CELF1: variants seen among roughly 807,000 people sequenced by gnomAD.
CELF1 encodes the protein 50 kDa nuclear polyadenylated RNA-binding protein.
Under a neutral mutation model 61.8 loss-of-function variants are expected in CELF1, and 10 were observed. That is an observed-to-expected ratio of 0.16 (90% CI 0.10 to 0.27). The LOEUF (loss-of-function observed/expected upper bound fraction) is 0.27. Ranked by LOEUF, CELF1 falls within the 10% of genes least tolerant of loss-of-function variation. The pLI is 1.00. For synonymous variants in CELF1, 236 were observed against 225.1 expected (o/e 1.05, Z -0.43); for missense variants, 380 against 639.1 (o/e 0.59, Z 4.37).
intron 1 of CELF1, among the ~76,000 whole-genome samples, chr11:47,512,319 AT>A (rs1194175993): frequency 6.6e-6 from 1 of 151,774 alleles, no homozygotes; most frequent in African/African-American, 2.4e-5. Context: ...AGCCTGGCTA[AT>A]TTTTTTGTAT....
chr11:47,511,782 T>G (rs1405903671), intron 1 of CELF1, among the ~76,000 whole-genome samples: 1 of 152,154 alleles, frequency 6.6e-6, no homozygotes. Flanking sequence ...GGTTAAAAAT[T>G]GTCTCCAAGG....
chr11:47,515,315 G>A (rs1357158168), intron 1 of CELF1, among the ~76,000 whole-genome samples: 2 of 152,154 alleles, frequency 1.3e-5, no homozygotes, highest in Admixed American at 6.5e-5. Context: ...GAGGGTGCTC[G>A]CTCCAAGGAC....
At chr11:47,551,544 T>C (rs982491520) in intron 1 of CELF1, among the ~76,000 whole-genome samples, 1 of 152,232 alleles carries the variant, frequency 6.6e-6, no homozygotes, top group African/African-American at 2.4e-5. Flanking sequence ...TCTTTAATGC[T>C]AAAACAGAAA....
At position 47,468,028 on chromosome 11, in the gene CELF1, T is replaced by C. The variant is rs1262196562; in HGVS notation, c.*4202A>G. 6.6e-6 allele frequency: 1 copy of C among 152,102 alleles called. No individual in the cohort carries two copies. The highest frequency in any genetic ancestry group is 1.5e-5 in the Non-Finnish European group (1 of 68,026). The allele number at this position is 152,102 out of a possible 1,614,324, so 9.4% of individuals were successfully genotyped here. A position where few individuals can be genotyped will look rare whatever the true frequency, so the allele number is the denominator to read the frequency against. ...AACATGCAAAACTTTTTTCTGGGCA[T>C]AATCTTAGTAGGAAAGGAAAAAATT... On this transcript the variant is annotated 3_prime_UTR_variant, in exon 15 of 15. Coordinates refer to ENST00000687097, the MANE Select transcript of CELF1 (RefSeq NM_001376376.1).
chr11:47,559,541 G>T (rs912864862), intron 2 of CELF1, among the ~76,000 whole-genome samples: 2 of 151,978 alleles, frequency 1.3e-5, no homozygotes, highest in Non-Finnish European at 2.9e-5. Context: ...ATAGAGCTGG[G>T]GTCTCACTCT....
chr11:47,515,905 CTCTT>C (rs983023732), intron 1 of CELF1, among the ~76,000 whole-genome samples: 69 of 152,166 alleles, frequency 4.5e-4, no homozygotes, highest in African/African-American at 1.5e-3. Context: ...TACTTTGCCT[CTCTT>C]TATTATTTAC....
intron 1 of CELF1, among the ~76,000 whole-genome samples, chr11:47,532,340 T>C (rs993487955): frequency 2.0e-5 from 3 of 152,188 alleles, no homozygotes; most frequent in African/African-American, 7.2e-5. Context: ...ATTGCTCTTT[T>C]ATGATGAGAG....
intron 11 of CELF1, 37 bp downstream of exon 11, chr11:47,477,260 G>A: frequency 6.2e-7 from 1 of 1,612,310 alleles, no homozygotes; most frequent in Non-Finnish European, 8.5e-7. Context: ...ATCTGTCCAA[G>A]GCACATAATG....
chr11:47,543,687 C>G (rs937242720), intron 1 of CELF1, among the ~76,000 whole-genome samples: 17 of 152,116 alleles, frequency 1.1e-4, no homozygotes, highest in Non-Finnish European at 1.9e-4. Flanking sequence ...GACAGGAGGA[C>G]TGCTTGAGCT....
chr11:47,489,932 C>CTTTTTTTTTTTTTTTTTTTTTTTTTTT (rs530410346), intron 3 of CELF1, among the ~76,000 whole-genome samples: 2 of 23,478 alleles, frequency 8.5e-5, no homozygotes, highest in Non-Finnish European at 1.8e-4. Context: ...AACATACCAT[C>CTTTTTTTTTTTTTTTTTTTTTTTTTTT]TTGTTTTTTT....
chr11:47,477,301 A>G lies in CELF1; in HGVS notation c.969T>C (p.Ser323=). 6.2e-7 allele frequency: 1 copy of G among 1,613,994 alleles called. No homozygotes were observed. Among genetic ancestry groups the G allele is most frequent in the African/African-American group, 1.3e-5 (1 of 75,038 alleles). The change falls in exon 11 of 15, where the codon AGT becomes AGC. Residue 323 remains serine, a synonymous_variant. Coordinates refer to ENST00000687097, the MANE Select transcript of CELF1 (RefSeq NM_001376376.1). The part of the protein sequence containing the change: ...TSSSPLSVLT[S]SAGSSPSSSS... ...CTGGGTCATCCTCATGCTTACCTGA[A>G]CTAGTGAGCACGCTGAGGGGACTGC...
intron 12 of CELF1, 52 bp downstream of exon 12, chr11:47,476,794 T>C: frequency 7.2e-7 from 1 of 1,390,068 alleles, no homozygotes; most frequent in Non-Finnish European, 1.0e-6. Context: ...AGGGTTAAGA[T>C]GTGCTACCTG....
At chr11:47,522,541 C>A (rs7101397) in intron 1 of CELF1, among the ~76,000 whole-genome samples, 149,108 of 151,200 alleles carry the variant, frequency 0.99, 73,566 homozygotes, top group Middle Eastern at 1. Flanking sequence ...ACAACAACAA[C>A]AAAACGCCAG....
intron 13 of CELF1, 128 bp from the exon 14 acceptor site, chr11:47,473,359 A>G: frequency 1.2e-6 from 1 of 837,650 alleles, no homozygotes; most frequent in Non-Finnish European, 1.8e-6. Context: ...CATCTGGGGA[A>G]CTAAACAGAT....
chr11:47,479,019 C>G, intron 9 of CELF1, 67 bp from the exon 10 acceptor site: 1 of 1,331,952 alleles, frequency 7.5e-7, no homozygotes, highest in South Asian at 1.2e-5. Context: ...TGGGATAACT[C>G]TACAGCACAG....
intron 2 of CELF1, among the ~76,000 whole-genome samples, chr11:47,558,807 TAATA>T (rs980223790): frequency 1.9e-4 from 23 of 123,628 alleles, no homozygotes; most frequent in Middle Eastern, 5.6e-3. Context: ...TTGCAGCCAA[TAATA>T]TATATATTGC....
intron 1 of CELF1, among the ~76,000 whole-genome samples, chr11:47,534,022 CTTTTTTTTTTT>C (rs71042679): frequency 6.9e-5 from 6 of 87,584 alleles, no homozygotes; most frequent in South Asian, 4.6e-4. Context: ...TTTTTCTTTC[CTTTTTTTTTTT>C]TTTTTTTTTT....
intron 2 of CELF1, among the ~76,000 whole-genome samples, chr11:47,560,245 C>G (rs1219928043): frequency 6.6e-6 from 1 of 152,050 alleles, no homozygotes; most frequent in Non-Finnish European, 1.5e-5. Flanking sequence ...GAGCCAAGAT[C>G]ACACCACTGC....
intron 1 of CELF1, among the ~76,000 whole-genome samples, chr11:47,541,629 G>A (rs559328464): frequency 2.7e-5 from 4 of 150,372 alleles, no homozygotes; most frequent in African/African-American, 9.8e-5. Flanking sequence ...GGCAGAGGTT[G>A]CAGCGAGCCA....
Sources: gnomAD v4.1 joint callset for allele counts (sites outside exome capture counted in the v4.1 genomes callset) on GRCh38, gnomAD v4.1.1 for gene constraint, MANE v1.5 for transcripts, NCBI Gene and HGNC (gene_info 2026-07-23, HGNC 2026-07-21) for gene names.